ZNF536: variants seen among roughly 807,000 people sequenced by gnomAD.
ZNF536 encodes the protein zinc finger protein 536.
A neutral mutation model predicts 84.5 loss-of-function variants in ZNF536; 13 were observed. The observed-to-expected ratio is 0.15, with a 90% confidence interval of 0.10 to 0.24. The LOEUF is 0.24. Ranked by LOEUF, ZNF536 falls within the 10% of genes least tolerant of loss-of-function variation. The pLI is 1.00. For synonymous variants in ZNF536, 811 were observed against 742.5 expected (o/e 1.09, Z -1.50); for missense variants, 1,536 against 1,747.5 (o/e 0.88, Z 2.16).
chr19:30,352,493 T>TA (rs760131624), intron 3 of ZNF536: 1 of 152,252 alleles, frequency 6.6e-6, no homozygotes, highest in Non-Finnish European at 1.5e-5. Flanking sequence ...AGGTAAGTCT[T>TA]ACGATATTAG....
chr19:30,447,686 A>G (rs1002674217), intron 2 of ZNF536, among the ~76,000 whole-genome samples: 2 of 152,178 alleles, frequency 1.3e-5, no homozygotes, highest in African/African-American at 2.4e-5. Flanking sequence ...AGGTGTCCCA[A>G]TGTCAGGAGG....
intron 3 of ZNF536, among the ~76,000 whole-genome samples, chr19:30,353,544 T>A (rs2048001714): frequency 6.6e-6 from 1 of 152,026 alleles, no homozygotes; most frequent in African/African-American, 2.4e-5. Flanking sequence ...CTGGCACCGG[T>A]GACTTCTCAG....
At chr19:30,317,193 T>C (rs2046708499) in intron 2 of ZNF536, among the ~76,000 whole-genome samples, 2 of 151,896 alleles carry the variant, frequency 1.3e-5, no homozygotes, top group African/African-American at 4.8e-5. Context: ...CCCAGCCCTG[T>C]CTGGGGTCCT....
chr19:30,304,187 G>A (rs1361591146), intron 2 of ZNF536, among the ~76,000 whole-genome samples: 1 of 152,208 alleles, frequency 6.6e-6, no homozygotes, highest in African/African-American at 2.4e-5. Context: ...GCATTTTCTG[G>A]GACTACCTCC....
At chr19:30,587,263 T>G (rs1665991748) in intron 1 of ZNF536, among the ~76,000 whole-genome samples, 1 of 152,212 alleles carries the variant, frequency 6.6e-6, no homozygotes, top group Non-Finnish European at 1.5e-5. Flanking sequence ...AGAAATTAAC[T>G]TCAATAATCT....
rs1555775076 is a variant in ZNF536 at position 30,466,584 on chromosome 19, A to AAGAAAGAGAGAGAGAGAG, written c.2170+20855_2170+20856insAAGAGAGAGAGAGAGAGA. Among the ~76,000 whole-genome samples, 24 of 144,464 alleles carry AAGAAAGAGAGAGAGAGAG rather than the reference A, an allele frequency of 1.7e-4. No homozygotes were observed. The South Asian group carries it at 3.0e-3, about 18-fold the overall frequency. The allele number at this position is 144,464 out of a possible 152,430, so 94.8% of individuals were successfully genotyped here. ...TTAGAAAGAAAGAAAGAAAGAAAGAAAGAGAGAGAGAGAGAGAGAAAGAAA... is the reference window on the plus strand; with the variant it reads ...TTAGAAAGAAAGAAAGAAAGAAAGAAAGAAAGAGAGAGAGAGAGAGAGAGAGAGAGAGAGAGAAAGAAA... On this transcript the variant is annotated intron_variant, in intron 2 of 4. Transcript: ENST00000355537.
chr19:30,353,937 C>T lies in ZNF536; in HGVS notation c.-3+1453C>T, dbSNP rs144206900. Among the ~76,000 whole-genome samples, 825 of 152,220 alleles carry T rather than the reference C, an allele frequency of 5.4e-3. 9 individuals carry two copies. Among genetic ancestry groups the T allele is most frequent in the African/African-American group, 0.019 (773 of 41,532 alleles). On this transcript the variant is annotated intron_variant, in intron 3 of 5. Coordinates refer to the ZNF536 transcript ENST00000585628. Reference sequence around the variant, plus strand: ...GGAGAAGGGTAAGACTGGCTTCCTCCGGGGGCAGTGAGTACATCAGTTTGT... The same window carrying T: ...GGAGAAGGGTAAGACTGGCTTCCTCTGGGGGCAGTGAGTACATCAGTTTGT...
At chr19:30,267,543 T>A (rs931939348) in intron 1 of ZNF536, among the ~76,000 whole-genome samples, 9 of 152,100 alleles carry the variant, frequency 5.9e-5, no homozygotes, top group African/African-American at 1.7e-4. Context: ...CTACCAACCC[T>A]GTCCATCTTT....
At chr19:30,364,001 G>A (rs1038741690) in intron 3 of ZNF536, among the ~76,000 whole-genome samples, 3 of 152,202 alleles carry the variant, frequency 2.0e-5, no homozygotes, top group African/African-American at 7.2e-5. Flanking sequence ...GCAGATAGGT[G>A]TGTTGGAGAA....
intron 2 of ZNF536, among the ~76,000 whole-genome samples, chr19:30,341,767 TCTAAGTG>T (rs1003402259): frequency 2.6e-5 from 4 of 152,172 alleles, no homozygotes; most frequent in African/African-American, 9.7e-5. Flanking sequence ...TTTTAACTTT[TCTAAGTG>T]CTCTAAAGGA....
downstream of ZNF536, among the ~76,000 whole-genome samples, chr19:30,560,132 C>G (rs941893506): frequency 2.0e-5 from 3 of 151,906 alleles, no homozygotes; most frequent in Non-Finnish European, 4.4e-5. Flanking sequence ...TTCTGCCTGC[C>G]GGGGAGCTGG....
In ZNF536 at chr19:30,642,035, C is replaced by T. The variant is rs576311989; in HGVS notation, c.170-68722C>T. 3.3e-5 allele frequency among the ~76,000 whole-genome samples: 5 copies of T among 152,270 alleles called. No homozygotes were observed. The South Asian group carries it at 1.0e-3, about 32-fold the overall frequency. On this transcript the variant is annotated intron_variant, in intron 1 of 1. Transcript: ENST00000592773. ...AAGCACAGCAAAGTTTGCGGGACCACCTCCCTCTGCAATGGCTGTGTTGAT... is the reference window on the plus strand; with the variant it reads ...AAGCACAGCAAAGTTTGCGGGACCATCTCCCTCTGCAATGGCTGTGTTGAT...
chr19:30,282,976 G>A (rs1046669274), intron 1 of ZNF536, among the ~76,000 whole-genome samples: 8 of 152,194 alleles, frequency 5.3e-5, no homozygotes, highest in African/African-American at 1.7e-4. Flanking sequence ...TTTCGAGCAT[G>A]CAGTCAGCAA....
At chr19:30,226,027 G>A (rs1343467684), upstream of ZNF536, among the ~76,000 whole-genome samples, 1 of 151,994 alleles carries the variant, frequency 6.6e-6, no homozygotes, top group Non-Finnish European at 1.5e-5. The surrounding 1 kb of genome is among the most constrained non-coding windows in gnomAD (Gnocchi z 4.6). Context: ...GCGGCGAGCG[G>A]GACCTGCGCC....
chr19:30,374,500 T>G (rs150511919), intron 1 of ZNF536, among the ~76,000 whole-genome samples: 23 of 62,368 alleles, frequency 3.7e-4, no homozygotes, highest in Admixed American at 9.1e-4. Flanking sequence ...AAATATAGTG[T>G]TTTTTTTTAA....
At chr19:30,360,393 A>G (rs1272776590) in intron 3 of ZNF536, among the ~76,000 whole-genome samples, 1 of 152,254 alleles carries the variant, frequency 6.6e-6, no homozygotes, top group African/African-American at 2.4e-5. Flanking sequence ...AAAGTATCAC[A>G]GGATAATTGC....
chr19:30,275,698 T>A (rs979705783), intron 1 of ZNF536, among the ~76,000 whole-genome samples: 2 of 152,130 alleles, frequency 1.3e-5, no homozygotes, highest in African/African-American at 4.8e-5. Context: ...ACCCACCTCA[T>A]AAGATGGATG....
intron 2 of ZNF536, among the ~76,000 whole-genome samples, chr19:30,481,371 T>C (rs1393361837): frequency 6.6e-6 from 1 of 152,216 alleles, no homozygotes; most frequent in Admixed American, 6.5e-5. Flanking sequence ...GCTTCTTCCC[T>C]GTCACTGGGA....
In ZNF536 at chr19:30,636,165, G is replaced by GC. The variant is rs776128026; in HGVS notation, c.170-74592_170-74591insC. Among the ~76,000 whole-genome samples the GC allele has an allele frequency of 6.6e-5, 10 of 152,214 alleles. No homozygotes were observed. In the East Asian group the frequency reaches 1.2e-3, roughly 18 times the overall value. ...CAATGGTGGTCAGCCATGAGACATG[G>GC]TGACCACCTAACAGGAGCTGGCTTT... On this transcript the variant is annotated intron_variant, in intron 1 of 1. Coordinates refer to the ZNF536 transcript ENST00000592773.
Sources: gnomAD v4.1 joint callset for allele counts (sites outside exome capture counted in the v4.1 genomes callset) on GRCh38, gnomAD v4.1.1 for gene constraint, Gnocchi (gnomAD v3.1) non-coding constraint, MANE v1.5 for transcripts, NCBI Gene and HGNC (gene_info 2026-07-23, HGNC 2026-07-21) for gene names.